CFAP54: variants seen among roughly 807,000 people sequenced by gnomAD.
CFAP54 encodes cilia and flagella associated protein 54, also known as cilia- and flagella-associated protein 54.
A neutral mutation model predicts 370.4 loss-of-function variants in CFAP54; 290 were observed. The observed-to-expected ratio is 0.78, with a 90% CI of 0.71 to 0.86. The LOEUF (loss-of-function observed/expected upper bound fraction) is 0.86, where lower values mean the gene tolerates loss of function less well. Among genes scored for constraint, CFAP54 ranks in the 40% least tolerant of loss-of-function variants. The pLI is 0.00. For missense variants in CFAP54, 3,399 were observed against 3,528.7 expected, an observed-to-expected ratio of 0.96 and a Z score of 0.93; for synonymous variants, 1,206 against 1,236.5, an observed-to-expected ratio of 0.98 and a Z score of 0.52.
At chr12:96,813,183 G>A (rs1254740080) in intron 64 of CFAP54, among the ~76,000 whole-genome samples, 1 of 152,110 alleles carries the variant, frequency 6.6e-6, no homozygotes, top group Non-Finnish European at 1.5e-5. Context: ...ATTCCAAAAA[G>A]TTTTGAATTT....
intron 8 of CFAP54, among the ~76,000 whole-genome samples, chr12:96,525,278 A>G (rs1955366704): frequency 6.6e-6 from 1 of 151,546 alleles, no homozygotes; most frequent in Non-Finnish European, 1.5e-5. Context: ...CCATTTATTT[A>G]CTAGGGATTT....
chr12:96,644,369 G>A lies in CFAP54; in HGVS notation c.4508G>A (p.Cys1503Tyr), dbSNP rs1956767311. ...CTGGTTTTACAAAAGCTATGGGAGT[G>A]TACGAAGATGAAATTTGGCACATCA... The part of the protein sequence containing the change: ...FNLVLQKLWE[C>Y]TKMKFGTSHM... The change falls in exon 33 of 68, where the codon TGT (cysteine) becomes TAT (tyrosine). Residue 1503 changes from cysteine to tyrosine, a missense_variant. Around this residue, in one of 3 missense-constraint regions of CFAP54, gnomAD observed 2,796 missense variants for 2,869.7 expected, o/e 0.97. Transcript: ENST00000524981. The A allele has an allele frequency of 2.0e-6, 3 of 1,535,786 alleles. No individual in the cohort carries two copies. The highest frequency in any genetic ancestry group is 3.9e-5 in the Admixed American group (2 of 50,968).
At chr12:96,561,150 C>T (rs1955810770) in intron 17 of CFAP54, among the ~76,000 whole-genome samples, 1 of 152,098 alleles carries the variant, frequency 6.6e-6, no homozygotes, top group African/African-American at 2.4e-5. Context: ...GGCTGTTTCC[C>T]CACCCAAATC....
At chr12:96,695,734 A>G (rs1349173096) in intron 45 of CFAP54, among the ~76,000 whole-genome samples, 1 of 152,234 alleles carries the variant, frequency 6.6e-6, no homozygotes, top group African/African-American at 2.4e-5. Flanking sequence ...GCATTTATCA[A>G]GTGCCTACTG....
intron 60 of CFAP54, among the ~76,000 whole-genome samples, chr12:96,767,730 T>C (rs1026242612): frequency 1.6e-4 from 24 of 152,182 alleles, no homozygotes; most frequent in African/African-American, 5.5e-4. Flanking sequence ...AATGGCTTGC[T>C]AAAGGGCAAA....
chr12:96,810,397 C>A (rs1473915624), intron 63 of CFAP54, among the ~76,000 whole-genome samples: 1 of 152,042 alleles, frequency 6.6e-6, no homozygotes, highest in Non-Finnish European at 1.5e-5. Flanking sequence ...TCTTAGTTTA[C>A]TTTGTGAGGA....
At chr12:96,606,572 T>C (rs954727525) in intron 26 of CFAP54, among the ~76,000 whole-genome samples, 5 of 152,214 alleles carry the variant, frequency 3.3e-5, no homozygotes, top group Non-Finnish European at 7.3e-5. Flanking sequence ...GGCTATTTGT[T>C]TTAAGGTAAA....
rs979701188 is a variant in CFAP54, at chr12:96,500,107, A to G, written c.318-727A>G. Among the ~76,000 whole-genome samples, 4 of 152,216 alleles carry G rather than the reference A, an allele frequency of 2.6e-5. No individual in the cohort carries two copies. In the East Asian group the frequency reaches 7.7e-4, roughly 29 times the overall value. On this transcript the variant is annotated intron_variant, in intron 1 of 67. Transcript: ENST00000524981. ...AACTGTAATGCATCCAGACAATGGG[A>G]TATTATTCAGTGCTAAAAAGAAATG...
In CFAP54 at chr12:96,707,196, G is replaced by C. The variant is rs548684494; in HGVS notation, c.6529-1412G>C. Among the ~76,000 whole-genome samples, 6 of 152,238 alleles carry C rather than the reference G, an allele frequency of 3.9e-5. No individual in the cohort carries two copies. The South Asian group carries it at 1.2e-3, about 32-fold the overall frequency. ...AGGAGAAAGCGTGTTTGGAAAGAGT[G>C]GGTGATCAGTAGTATCAAATTTTGA... is the stretch of plus-strand genomic sequence containing the variant. On this transcript the variant is annotated intron_variant, in intron 47 of 67. Coordinates refer to ENST00000524981, the MANE Select transcript of CFAP54 (RefSeq NM_001306084.2).
At chr12:96,772,776 T>G (rs889703106) in intron 60 of CFAP54, among the ~76,000 whole-genome samples, 1 of 152,008 alleles carries the variant, frequency 6.6e-6, no homozygotes, top group Non-Finnish European at 1.5e-5. Context: ...CCCACAACCA[T>G]GCCCGGCTAA....
intron 4 of CFAP54, among the ~76,000 whole-genome samples, chr12:96,511,856 A>T (rs1955173276): frequency 6.6e-6 from 1 of 152,226 alleles, no homozygotes; most frequent in African/African-American, 2.4e-5. Context: ...CGAATATTAG[A>T]TACTTTATAG....
chr12:96,703,098 C>G (rs758615269), intron 46 of CFAP54, among the ~76,000 whole-genome samples: 2 of 151,822 alleles, frequency 1.3e-5, no homozygotes, highest in African/African-American at 2.4e-5. Flanking sequence ...TTTAAAACAC[C>G]AATACTTTTT....
Position 96,699,952 on chromosome 12 carries a change from T to C in CFAP54, c.6352-19T>C. The C allele has an allele frequency of 1.2e-5, 19 of 1,536,078 alleles. No individual in the cohort carries two copies. Among genetic ancestry groups the C allele is most frequent in the Non-Finnish European group, 1.6e-5 (18 of 1,131,756 alleles). ...CAAATTGTTTAATTAAGTACCTCAT[T>C]ATTTCCTTTCCTTTACAGATAGAAG... On this transcript the variant is annotated intron_variant, in intron 45 of 67. Transcript: ENST00000524981.
chr12:96,611,662 C>CTAGA (rs1244919438), intron 26 of CFAP54, among the ~76,000 whole-genome samples: 3 of 152,262 alleles, frequency 2.0e-5, no homozygotes, highest in South Asian at 4.1e-4. Flanking sequence ...AAATGGCTAA[C>CTAGA]TAGAATAACC....
At chr12:96,785,163 C>T (rs954866944) in intron 61 of CFAP54, among the ~76,000 whole-genome samples, 5 of 152,168 alleles carry the variant, frequency 3.3e-5, no homozygotes, top group Non-Finnish European at 7.3e-5. Flanking sequence ...TCCAAGACCA[C>T]TGCCAAAGTT....
At chr12:96,648,163 G>A (rs183238995) in intron 34 of CFAP54, 146 bp downstream of exon 34, 67 of 530,794 alleles carry the variant, frequency 1.3e-4, no homozygotes, top group African/African-American at 1.1e-3. Context: ...TTGATATTTT[G>A]TAGGAGATTC....
chr12:96,777,379 T>C (rs1350349914), intron 60 of CFAP54, among the ~76,000 whole-genome samples: 1 of 151,314 alleles, frequency 6.6e-6, no homozygotes, highest in African/African-American at 2.4e-5. Context: ...GGAGTTTTGC[T>C]CTTGTTGCCC....
At chr12:96,552,238 C>T (rs1955702249) in intron 15 of CFAP54, among the ~76,000 whole-genome samples, 1 of 108,332 alleles carries the variant, frequency 9.2e-6, no homozygotes, top group South Asian at 3.0e-4. Flanking sequence ...AAGAGCAAAA[C>T]TACATCTCAA....
At chr12:96,798,547 T>A (rs1003773851) in intron 63 of CFAP54, among the ~76,000 whole-genome samples, 1 of 152,142 alleles carries the variant, frequency 6.6e-6, no homozygotes, top group Non-Finnish European at 1.5e-5. Flanking sequence ...ATAGTTGTAC[T>A]GAGAATGGTC....
Sources: allele counts gnomAD v4.1 joint callset (sites outside exome capture counted in the v4.1 genomes callset), GRCh38; gene constraint gnomAD v4.1.1; regional missense constraint gnomAD v4.1.1; transcripts MANE v1.5; gene names NCBI Gene and HGNC (gene_info 2026-07-23, HGNC 2026-07-21).